The following CRY1 variants were observed in gnomAD, a reference collection of about 807,000 sequenced individuals.
The protein encoded by CRY1 is cryptochrome circadian regulator 1.
In CRY1, 45 loss-of-function variants were observed where a neutral mutation model predicts 76.0. The ratio of observed to expected loss-of-function variants is 0.59; its 90% confidence interval spans 0.47 to 0.76. The LOEUF (loss-of-function observed/expected upper bound fraction) is 0.76, where lower values mean the gene tolerates loss of function less well. Ranked by LOEUF, CRY1 falls within the 30% of genes least tolerant of loss-of-function variation. CRY1 has a pLI of 0.00. For synonymous variants in CRY1, 248 were observed against 244.0 expected (o/e 1.02, Z -0.15); for missense variants, 587 against 716.4 (o/e 0.82, Z 2.06).
intron 9 of CRY1, 21 bp from the exon 10 acceptor site, chr12:106,997,407 C>A (rs1412864151): frequency 5.0e-6 from 8 of 1,612,148 alleles, no homozygotes; most frequent in Non-Finnish European, 5.9e-6. Flanking sequence ...AAAAAATTTT[C>A]TTTTAAATTA....
chr12:107,083,913 T>A (rs1434516798), intron 1 of CRY1, among the ~76,000 whole-genome samples: 1 of 152,184 alleles, frequency 6.6e-6, no homozygotes, highest in African/African-American at 2.4e-5. Context: ...TGTTTGCAGA[T>A]GACATGATTG....
chr12:107,019,457 T>C (rs755940511), intron 2 of CRY1, among the ~76,000 whole-genome samples: 7 of 152,318 alleles, frequency 4.6e-5, no homozygotes, highest in Non-Finnish European at 8.8e-5. Flanking sequence ...TTAGGGCCCA[T>C]GTGGAAACCC....
At chr12:107,081,507 T>C (rs768882640) in intron 1 of CRY1, among the ~76,000 whole-genome samples, 20 of 152,054 alleles carry the variant, frequency 1.3e-4, no homozygotes, top group Non-Finnish European at 2.8e-4. Flanking sequence ...ACCTGATACA[T>C]TATTTTTGTC....
chr12:107,051,317 T>A (rs7294861), intron 1 of CRY1, among the ~76,000 whole-genome samples: 76,761 of 152,006 alleles, frequency 0.5, 20,310 homozygotes, highest in East Asian at 0.72. Context: ...TGTATTAATT[T>A]TTAAATATTC....
chr12:107,064,764 C>G (rs1158898295), intron 1 of CRY1, among the ~76,000 whole-genome samples: 1 of 152,120 alleles, frequency 6.6e-6, no homozygotes, highest in African/African-American at 2.4e-5. Context: ...ACAGGAGAGT[C>G]AAAACCAATC....
chr12:107,051,024 C>T (rs986301488), intron 1 of CRY1, among the ~76,000 whole-genome samples: 5 of 152,070 alleles, frequency 3.3e-5, no homozygotes, highest in African/African-American at 1.2e-4. Context: ...TTAAGATAGC[C>T]ACTAAATATG....
chr12:107,058,744 A>G (rs905114375), intron 1 of CRY1, among the ~76,000 whole-genome samples: 1 of 152,232 alleles, frequency 6.6e-6, no homozygotes, highest in Admixed American at 6.5e-5. Context: ...AATGTTGATA[A>G]GATTTTTAAC....
intron 2 of CRY1, among the ~76,000 whole-genome samples, chr12:107,009,876 G>T (rs1952423673): frequency 6.6e-6 from 1 of 151,808 alleles, no homozygotes; most frequent in Admixed American, 6.6e-5. Flanking sequence ...TCAGGTTGTG[G>T]TATCAGGGTT....
chr12:107,050,590 C>G (rs146569952), intron 1 of CRY1, among the ~76,000 whole-genome samples: 1 of 152,196 alleles, frequency 6.6e-6, no homozygotes, highest in Middle Eastern at 3.2e-3. Context: ...AGGCCCTCAA[C>G]AGAAGCAAGT....
At chr12:107,014,028 G>A (rs1000378166) in intron 2 of CRY1, among the ~76,000 whole-genome samples, 8 of 152,098 alleles carry the variant, frequency 5.3e-5, no homozygotes, top group African/African-American at 9.7e-5. Flanking sequence ...CTATGTGGAC[G>A]GAAAATAAAC....
chr12:107,043,553 T>A (rs1952821607), intron 1 of CRY1, among the ~76,000 whole-genome samples: 1 of 152,126 alleles, frequency 6.6e-6, no homozygotes, highest in Admixed American at 6.5e-5. Context: ...GTACCCTGCA[T>A]CCCAGGGCAA....
At chr12:107,045,834 T>C (rs1952842617) in intron 1 of CRY1, among the ~76,000 whole-genome samples, 1 of 151,910 alleles carries the variant, frequency 6.6e-6, no homozygotes, top group Non-Finnish European at 1.5e-5. Flanking sequence ...GGGGGAGGGA[T>C]AGCATTAGGA....
At chr12:107,060,957 AGAGT>A (rs1465786309) in intron 1 of CRY1, among the ~76,000 whole-genome samples, 3 of 152,174 alleles carry the variant, frequency 2.0e-5, no homozygotes, top group African/African-American at 7.2e-5. Flanking sequence ...CCTGGGTGAC[AGAGT>A]GAGACTCTGT....
chr12:107,061,457 G>C (rs900915220), intron 1 of CRY1, among the ~76,000 whole-genome samples: 8 of 151,370 alleles, frequency 5.3e-5, no homozygotes, highest in African/African-American at 1.7e-4. Flanking sequence ...TTAGCTCACT[G>C]CAACCTCTGC....
intron 2 of CRY1, among the ~76,000 whole-genome samples, chr12:107,012,324 A>G (rs184039484): frequency 6.6e-6 from 1 of 152,354 alleles, no homozygotes; most frequent in East Asian, 1.9e-4. Context: ...TAAAACTCCT[A>G]GGTCCCTTGA....
Position 107,093,172 on chromosome 12 carries a change from C to T in CRY1, c.-211G>A. Reference sequence around the variant, plus strand: ...GAAAGATGAATGGAGGTTGCCTAGTCGGCGGAGTCCGGGTGTGACGCCCTT... The same window carrying T: ...GAAAGATGAATGGAGGTTGCCTAGTTGGCGGAGTCCGGGTGTGACGCCCTT... On this transcript the variant is annotated 5_prime_UTR_variant, in exon 1 of 13. Coordinates refer to ENST00000008527, the MANE Select transcript of CRY1 (RefSeq NM_004075.5). 1.8e-6 allele frequency: 1 copy of T among 543,292 alleles called. No individual in the cohort carries two copies. Among genetic ancestry groups the T allele is most frequent in the Non-Finnish European group, 3.1e-6 (1 of 327,176 alleles). The allele number at this position is 543,292 out of a possible 1,614,324, so 33.7% of individuals were successfully genotyped here. A position where few individuals can be genotyped will look rare whatever the true frequency, so the allele number is the denominator to read the frequency against.
At chr12:107,078,272 G>A (rs775409569) in intron 1 of CRY1, among the ~76,000 whole-genome samples, 4 of 151,706 alleles carry the variant, frequency 2.6e-5, no homozygotes, top group Admixed American at 6.6e-5. Context: ...ACTCCTGGAG[G>A]GTCCTCTAAA....
chr12:107,037,363 C>T (rs1360992714), intron 1 of CRY1, among the ~76,000 whole-genome samples: 1 of 152,128 alleles, frequency 6.6e-6, no homozygotes, highest in East Asian at 1.9e-4. Context: ...GAAACCCTGT[C>T]TTTACTGAAA....
chr12:107,051,437 T>C (rs561669030), intron 1 of CRY1, among the ~76,000 whole-genome samples: 3 of 152,152 alleles, frequency 2.0e-5, no homozygotes, highest in South Asian at 4.1e-4. Flanking sequence ...TCAATCAACA[T>C]TTGGGTATTT....
Sources: allele counts gnomAD v4.1 joint callset (sites outside exome capture counted in the v4.1 genomes callset), GRCh38; gene constraint gnomAD v4.1.1; transcripts MANE v1.5; gene names NCBI Gene and HGNC (gene_info 2026-07-23, HGNC 2026-07-21).